Variants in SGPL1 observed in about 807,000 individuals in gnomAD.
SGPL1 encodes the protein SP-lyase 1.
A neutral mutation model predicts 68.9 loss-of-function variants in SGPL1; 37 were observed. The ratio of observed to expected loss-of-function variants is 0.54; its 90% CI spans 0.41 to 0.71. SGPL1 has a LOEUF of 0.71. Ranked by LOEUF, SGPL1 falls within the 30% of genes least tolerant of loss-of-function variation. The pLI, the probability that SGPL1 is intolerant of heterozygous loss-of-function variation, is 0.00. For synonymous variants in SGPL1, 236 were observed against 248.5 expected (o/e 0.95, Z 0.47); for missense variants, 551 against 704.6 (o/e 0.78, Z 2.47).
intron 7 of SGPL1, among the ~76,000 whole-genome samples, chr10:70,861,575 T>G (rs922282303): frequency 6.6e-6 from 1 of 152,190 alleles, no homozygotes; most frequent in African/African-American, 2.4e-5. Flanking sequence ...ACCGCTGCAC[T>G]GTAGGAGCCC....
intron 2 of SGPL1, among the ~76,000 whole-genome samples, chr10:70,837,021 GAT>G (rs965332772): frequency 1.3e-5 from 2 of 151,182 alleles, no homozygotes; most frequent in Non-Finnish European, 2.9e-5. Context: ...AAATTTAAAA[GAT>G]AAAATTATTT....
At chr10:70,840,639 C>T (rs1485702278) in intron 2 of SGPL1, among the ~76,000 whole-genome samples, 1 of 152,142 alleles carries the variant, frequency 6.6e-6, no homozygotes, top group Admixed American at 6.5e-5. Context: ...ACCCATCCAA[C>T]TACAGTGTCA....
intron 7 of SGPL1, among the ~76,000 whole-genome samples, chr10:70,861,499 G>C (rs539454825): frequency 1.3e-5 from 2 of 152,198 alleles, no homozygotes; most frequent in Non-Finnish European, 2.9e-5. Flanking sequence ...CACAGCCCTC[G>C]CTCGCTCTCG....
intron 7 of SGPL1, among the ~76,000 whole-genome samples, chr10:70,861,684 C>T (rs888493923): frequency 3.9e-5 from 6 of 152,158 alleles, no homozygotes; most frequent in African/African-American, 9.7e-5. Flanking sequence ...GCAGCGCTTG[C>T]GGGCCAGCTA....
intron 2 of SGPL1, among the ~76,000 whole-genome samples, chr10:70,843,678 G>C (rs1388902952): frequency 6.6e-6 from 1 of 152,214 alleles, no homozygotes; most frequent in Non-Finnish European, 1.5e-5. Context: ...GCTCGTACCA[G>C]GTGTTGTGAG....
chr10:70,821,657 A>G (rs1845339693), intron 2 of SGPL1, among the ~76,000 whole-genome samples: 1 of 152,198 alleles, frequency 6.6e-6, no homozygotes, highest in Non-Finnish European at 1.5e-5. Flanking sequence ...CTTACAACGC[A>G]CAGTTTCCTG....
At chr10:70,855,010 A>T (rs1589463673) in intron 5 of SGPL1, among the ~76,000 whole-genome samples, 155 bp downstream of exon 5, 1 of 152,238 alleles carries the variant, frequency 6.6e-6, no homozygotes, top group African/African-American at 2.4e-5. Flanking sequence ...TCCTATTTTT[A>T]AAATTATGTT....
chr10:70,844,440 T>A, intron 2 of SGPL1, 33 bp from the exon 3 acceptor site: 1 of 1,593,056 alleles, frequency 6.3e-7, no homozygotes, highest in African/African-American at 1.3e-5. Flanking sequence ...TCTCTCTAAA[T>A]GTAATGTTTT....
At chr10:70,817,494 A>G (rs1477210695) in intron 2 of SGPL1, among the ~76,000 whole-genome samples, 2 of 152,190 alleles carry the variant, frequency 1.3e-5, no homozygotes, top group Non-Finnish European at 2.9e-5. Context: ...GTGGCTATTT[A>G]CAGGCATAAT....
chr10:70,851,574 G>T (rs534676062), intron 4 of SGPL1, among the ~76,000 whole-genome samples: 1 of 152,148 alleles, frequency 6.6e-6, no homozygotes, highest in Non-Finnish European at 1.5e-5. Context: ...TGAGAAGCCT[G>T]TTAAGGAAGT....
intron 9 of SGPL1, among the ~76,000 whole-genome samples, chr10:70,870,534 G>T (rs1846273409): frequency 6.6e-6 from 1 of 151,834 alleles, no homozygotes; most frequent in South Asian, 2.1e-4. Flanking sequence ...CTCTCACTGT[G>T]GTTTAGATTG....
intron 2 of SGPL1, among the ~76,000 whole-genome samples, chr10:70,838,253 T>C (rs1298640332): frequency 7.2e-5 from 11 of 152,208 alleles, no homozygotes; most frequent in Non-Finnish European, 1.6e-4. Flanking sequence ...TTTCTTTAGG[T>C]ATAAATTGGT....
At chr10:70,829,167 G>A (rs530174694) in intron 2 of SGPL1, among the ~76,000 whole-genome samples, 4 of 152,172 alleles carry the variant, frequency 2.6e-5, no homozygotes, top group Non-Finnish European at 5.9e-5. Context: ...ACAGGTTTAC[G>A]ATCTGTAAAG....
At chr10:70,863,386 A>G (rs1169274968) in intron 7 of SGPL1, among the ~76,000 whole-genome samples, 2 of 148,856 alleles carry the variant, frequency 1.3e-5, no homozygotes, top group African/African-American at 5.0e-5. Context: ...ACACATAAAT[A>G]TGTTGTATTC....
At position 70,877,808 on chromosome 10, in the gene SGPL1, C is replaced by CTCT. The variant is rs1344028465; in HGVS notation, c.*474_*475insCTT. 1 of 64,764 alleles carries CTCT rather than the reference C, an allele frequency of 1.5e-5. No individual in the cohort carries two copies. The highest frequency in any genetic ancestry group is 6.0e-5 in the African/African-American group (1 of 16,696). 4.0% of individuals were successfully genotyped at this position (64,764 alleles called of 1,614,324 possible). A position where few individuals can be genotyped will look rare whatever the true frequency, so the allele number is the denominator to read the frequency against. On this transcript the variant is annotated 3_prime_UTR_variant, in exon 15 of 15. Transcript: ENST00000373202. ...AGGAGGCTTTTTCAGCCTTCTCTCTCTTTTTTTTTTTTTTTTTTTTTTTTG... is the reference window on the plus strand; with the variant it reads ...AGGAGGCTTTTTCAGCCTTCTCTCTCTCTTTTTTTTTTTTTTTTTTTTTTTTTG...
intron 2 of SGPL1, among the ~76,000 whole-genome samples, chr10:70,831,620 A>C (rs1338124372): frequency 6.6e-6 from 1 of 152,164 alleles, no homozygotes; most frequent in Non-Finnish European, 1.5e-5. Flanking sequence ...AGGGGTGTGG[A>C]GCCTCCATGC....
intron 2 of SGPL1, among the ~76,000 whole-genome samples, chr10:70,836,568 GCCTTTC>G (rs768538535): frequency 2.4e-4 from 35 of 148,790 alleles, no homozygotes; most frequent in Admixed American, 4.0e-4. Flanking sequence ...CTTTGCCTTT[GCCTTTC>G]CCTTTCCCTT....
At chr10:70,828,162 A>C (rs913769157) in intron 2 of SGPL1, among the ~76,000 whole-genome samples, 1 of 152,300 alleles carries the variant, frequency 6.6e-6, no homozygotes, top group East Asian at 1.9e-4. Flanking sequence ...ACAGATTTCC[A>C]AAGTGGTTGT....
intron 4 of SGPL1, 32 bp from the exon 5 acceptor site, chr10:70,854,676 T>G (rs747899095): frequency 6.3e-7 from 1 of 1,590,040 alleles, no homozygotes; most frequent in Non-Finnish European, 8.6e-7. Flanking sequence ...TACTCTTGCA[T>G]CTGGATAACT....
Sources: allele counts gnomAD v4.1 joint callset (sites outside exome capture counted in the v4.1 genomes callset), GRCh38; gene constraint gnomAD v4.1.1; transcripts MANE v1.5; gene names NCBI Gene and HGNC (gene_info 2026-07-23, HGNC 2026-07-21).